Variants in NEDD4 observed in about 807,000 individuals in gnomAD.
The protein encoded by NEDD4 is NEDD4 E3 ubiquitin protein ligase, also known as E3 ubiquitin-protein ligase NEDD4.
Under a neutral mutation model 144.9 loss-of-function variants are expected in NEDD4, and 99 were observed. The ratio of observed to expected loss-of-function variants is 0.68; its 90% CI spans 0.58 to 0.81. NEDD4 has a LOEUF of 0.81. NEDD4 is among the 30% of genes least tolerant of loss of function. NEDD4 has a pLI of 0.00. For synonymous variants in NEDD4, 318 were observed against 350.6 expected (o/e 0.91, Z 1.04); for missense variants, 985 against 1,065.9 (o/e 0.92, Z 1.06).
chr15:55,838,318 C>T (rs564257004), intron 22 of NEDD4, 138 bp from the exon 23 acceptor site: 5 of 724,060 alleles, frequency 6.9e-6, no homozygotes, highest in African/African-American at 5.4e-5. Flanking sequence ...ACTTAAAATA[C>T]TAGTTTTACT....
At chr15:55,887,372 A>C (rs530967121) in intron 5 of NEDD4, among the ~76,000 whole-genome samples, 37 of 152,308 alleles carry the variant, frequency 2.4e-4, no homozygotes, top group Admixed American at 1.2e-3. Flanking sequence ...AGTATATGCA[A>C]TAAATTGGAA....
chr15:55,852,695 A>G (rs2034036311), intron 12 of NEDD4, 152 bp from the exon 13 acceptor site: 1 of 4,114 alleles, frequency 2.4e-4, no homozygotes, highest in Non-Finnish European at 4.9e-3. Context: ...CTAGAAATAT[A>G]TATATATATA....
chr15:55,940,436 G>A (rs2036976284), intron 4 of NEDD4, among the ~76,000 whole-genome samples: 1 of 151,174 alleles, frequency 6.6e-6, no homozygotes, highest in East Asian at 1.9e-4. Context: ...TTGTTTAAAT[G>A]GCTTATTTTT....
At chr15:55,844,729 T>C (rs2033669360) in intron 18 of NEDD4, among the ~76,000 whole-genome samples, 1 of 152,188 alleles carries the variant, frequency 6.6e-6, no homozygotes, top group Non-Finnish European at 1.5e-5. Flanking sequence ...GCCATCATTA[T>C]TCCTAACTAC....
rs528799076 is a variant in NEDD4, at chr15:55,989,641, G to C, written c.45+3870C>G. 1.5e-3 allele frequency among the ~76,000 whole-genome samples: 229 copies of C among 152,326 alleles called. 1 individual carries two copies. The highest frequency in any genetic ancestry group is 5.3e-3 in the African/African-American group (221 of 41,576). On this transcript the variant is annotated intron_variant, in intron 1 of 28. Coordinates refer to ENST00000435532, the MANE Select transcript of NEDD4 (RefSeq NM_006154.4). ...TCTCCATACCGATAGCGGAGACTCT[G>C]AACTCTTTCCTCTTTATTTCCTTCC...
chr15:55,859,995 C>A (rs1175532694), intron 11 of NEDD4, among the ~76,000 whole-genome samples: 2 of 152,206 alleles, frequency 1.3e-5, no homozygotes, highest in African/African-American at 4.8e-5. Flanking sequence ...TGCTTCCCAA[C>A]AGCATCTCAT....
chr15:55,924,425 T>C, intron 5 of NEDD4: 1 of 516,812 alleles, frequency 1.9e-6, no homozygotes, highest in Non-Finnish European at 3.5e-6. Flanking sequence ...GACCTTATAA[T>C]ATGTTGGCAA....
intron 5 of NEDD4, among the ~76,000 whole-genome samples, chr15:55,879,025 T>C (rs1221449318): frequency 6.6e-6 from 1 of 152,216 alleles, no homozygotes; most frequent in African/African-American, 2.4e-5. Context: ...GGTTTTACCA[T>C]GTTGGCCAGG....
chr15:55,864,507 C>A (rs991721904), intron 8 of NEDD4, among the ~76,000 whole-genome samples: 1 of 151,896 alleles, frequency 6.6e-6, no homozygotes, highest in Non-Finnish European at 1.5e-5. Flanking sequence ...CATGGAGAAA[C>A]CCCATCTCTA....
chr15:55,855,413 C>T (rs920316256), intron 12 of NEDD4, among the ~76,000 whole-genome samples: 10 of 152,070 alleles, frequency 6.6e-5, no homozygotes, highest in Non-Finnish European at 1.5e-5. Context: ...AAAGCATAGA[C>T]AGGAATGAAG....
At chr15:55,836,650 C>T (rs768767603) in intron 24 of NEDD4, among the ~76,000 whole-genome samples, 1 of 152,000 alleles carries the variant, frequency 6.6e-6, no homozygotes, top group Non-Finnish European at 1.5e-5. Context: ...CTCAGCCTCC[C>T]GAGTAGCTGG....
intron 1 of NEDD4, among the ~76,000 whole-genome samples, chr15:55,978,840 T>C (rs2037747524): frequency 6.7e-6 from 1 of 149,786 alleles, no homozygotes; most frequent in South Asian, 2.1e-4. Flanking sequence ...CGTCAATAAT[T>C]AAAAGGTAGC....
chr15:55,855,456 A>C (rs1352072463), intron 12 of NEDD4, among the ~76,000 whole-genome samples: 5 of 152,124 alleles, frequency 3.3e-5, no homozygotes, highest in Non-Finnish European at 5.9e-5. Context: ...GGATAAGGAG[A>C]AGGGTAGGCT....
chr15:55,976,011 C>T (rs1340614941), intron 1 of NEDD4, among the ~76,000 whole-genome samples: 2 of 152,142 alleles, frequency 1.3e-5, no homozygotes, highest in African/African-American at 4.8e-5. Context: ...ACAAAGGTGC[C>T]ATGAACACAC....
At chr15:55,989,175 G>A (rs781402169) in intron 1 of NEDD4, among the ~76,000 whole-genome samples, 1 of 152,162 alleles carries the variant, frequency 6.6e-6, no homozygotes, top group Non-Finnish European at 1.5e-5. Flanking sequence ...GGCAGAGGGT[G>A]CAGTGAGCTG....
chr15:55,852,276 C>T lies in NEDD4; in HGVS notation c.1146+148G>A, dbSNP rs529213860. On this transcript the variant is annotated intron_variant, in intron 13 of 28. Transcript: ENST00000435532. ...CGCCATTGGACTCCAGCCTGGGCGA[C>T]AATACTGAGACTCCATCTCAAAAAA... 1.1e-3 allele frequency: 903 copies of T among 855,902 alleles called. 8 individuals are homozygous for T. The African/African-American group carries it at 0.015, about 14-fold the overall frequency. The allele number at this position is 855,902 out of a possible 1,614,324, so 53.0% of individuals were successfully genotyped here. A position where few individuals can be genotyped will look rare whatever the true frequency, so the allele number is the denominator to read the frequency against.
At chr15:55,939,388 C>A (rs983008631) in intron 4 of NEDD4, among the ~76,000 whole-genome samples, 1 of 152,198 alleles carries the variant, frequency 6.6e-6, no homozygotes, top group Non-Finnish European at 1.5e-5. Flanking sequence ...TGTTCATCTT[C>A]TGCCATGACT....
intron 5 of NEDD4, among the ~76,000 whole-genome samples, chr15:55,890,633 T>C (rs990021480): frequency 6.6e-6 from 1 of 152,258 alleles, no homozygotes; most frequent in Non-Finnish European, 1.5e-5. Context: ...ATAATGCCAC[T>C]ATGAACATTT....
chr15:55,848,973 G>A (rs1158145909), intron 14 of NEDD4, 87 bp from the exon 15 acceptor site: 3 of 974,310 alleles, frequency 3.1e-6, no homozygotes, highest in Non-Finnish European at 4.9e-6. Context: ...TAACATCAAT[G>A]GATATTTAAA....
Sources: allele counts gnomAD v4.1 joint callset (sites outside exome capture counted in the v4.1 genomes callset), GRCh38; gene constraint gnomAD v4.1.1; transcripts MANE v1.5; gene names NCBI Gene and HGNC (gene_info 2026-07-23, HGNC 2026-07-21).